The following ODAD2 variants were observed in gnomAD, a reference collection of about 807,000 sequenced individuals.
ODAD2 encodes the protein outer dynein arm docking complex subunit 2.
In ODAD2, 89 loss-of-function variants were observed where a neutral mutation model predicts 106.8. The observed-to-expected ratio is 0.83, with a 90% CI of 0.70 to 0.99. ODAD2 has a LOEUF of 0.99. Among genes scored for constraint, ODAD2 ranks in the 50% least tolerant of loss-of-function variants. The pLI, the probability that ODAD2 is intolerant of heterozygous loss-of-function variation, is 0.00. For synonymous variants in ODAD2, 404 were observed against 436.2 expected, an observed-to-expected ratio of 0.93 and a Z score of 0.92; for missense variants, 1,168 against 1,238.5, an observed-to-expected ratio of 0.94 and a Z score of 0.85.
chr10:27,913,078 A>C (rs1354876611), intron 16 of ODAD2, among the ~76,000 whole-genome samples: 1 of 152,040 alleles, frequency 6.6e-6, no homozygotes, highest in Non-Finnish European at 1.5e-5. Context: ...GATTAGAAAG[A>C]CTCTAGAAAT....
chr10:27,868,754 A>G (rs1840641824), intron 17 of ODAD2, among the ~76,000 whole-genome samples: 1 of 152,130 alleles, frequency 6.6e-6, no homozygotes, highest in Non-Finnish European at 1.5e-5. Flanking sequence ...TGATGGGTTA[A>G]TAGGTGCAGC....
At chr10:27,915,387 C>A (rs1844287656) in intron 16 of ODAD2, among the ~76,000 whole-genome samples, 1 of 152,022 alleles carries the variant, frequency 6.6e-6, no homozygotes, top group Non-Finnish European at 1.5e-5. Context: ...TCTCAGACAG[C>A]CATATTTTCA....
Position 27,944,143 on chromosome 10 carries a change from G to A in ODAD2, c.1743+79C>T, listed in dbSNP as rs76200471. 7.8e-3 allele frequency: 9,815 copies of A among 1,251,346 alleles called. 258 individuals are homozygous for A. Among genetic ancestry groups the A allele is most frequent in the African/African-American group, 0.073 (4,937 of 67,416 alleles). 77.5% of individuals were successfully genotyped at this position (1,251,346 alleles called of 1,614,324 possible). A position where few individuals can be genotyped will look rare whatever the true frequency, so the allele number is the denominator to read the frequency against. On this transcript the variant is annotated intron_variant, in intron 12 of 19. Transcript: ENST00000305242. ...CTCTCATGGCTATGGAATTTCCAGC[G>A]TGGCCAGAAAGGACAGCAAGGAGCT...
rs369669370 is a variant in ODAD2 at position 27,983,938 on chromosome 10, G to T, written c.724C>A (p.Gln242Lys). Residue 242 changes from glutamine (Q) to lysine (K), a missense_variant, in exon 6 of 20, where the codon CAA becomes AAA. Coordinates refer to ENST00000305242, the MANE Select transcript of ODAD2 (RefSeq NM_018076.5). The part of the protein sequence containing the change: ...SNGCRAPPWR[Q>K]IRGEICYVLV... ...ACATAACAAATTTCCCCACGAATTT[G>T]TCTCCACGGTGGGGCTCGACATCCA... 3.1e-6 allele frequency: 5 copies of T among 1,607,738 alleles called. No homozygotes were observed. In the East Asian group the frequency reaches 1.1e-4, roughly 36 times the overall value.
intron 16 of ODAD2, among the ~76,000 whole-genome samples, chr10:27,912,739 G>A (rs568932288): frequency 2.6e-5 from 4 of 152,088 alleles, no homozygotes; most frequent in Non-Finnish European, 4.4e-5. Context: ...AGAACATGAC[G>A]TTCTTAAACC....
intron 19 of ODAD2, among the ~76,000 whole-genome samples, chr10:27,816,877 G>A (rs1054707634): frequency 2.6e-5 from 4 of 152,164 alleles, no homozygotes; most frequent in African/African-American, 7.2e-5. Flanking sequence ...AGCCTCCTGA[G>A]TAGCTGGGAT....
At chr10:27,887,322 C>A (rs1407387159) in intron 17 of ODAD2, among the ~76,000 whole-genome samples, 1 of 151,830 alleles carries the variant, frequency 6.6e-6, no homozygotes. Flanking sequence ...CATACATGCA[C>A]CAAACATGAA....
At chr10:27,847,418 G>A (rs1231125551) in intron 19 of ODAD2, among the ~76,000 whole-genome samples, 7 of 152,130 alleles carry the variant, frequency 4.6e-5, no homozygotes, top group East Asian at 1.9e-4. Context: ...TCGATGGGAC[G>A]TATCTCAAAA....
chr10:27,892,870 C>T (rs185526016), intron 17 of ODAD2, among the ~76,000 whole-genome samples: 1 of 152,096 alleles, frequency 6.6e-6, no homozygotes, highest in Admixed American at 6.6e-5. Context: ...GTACTACGGC[C>T]GGGTGTGGTA....
At chr10:27,874,654 C>A (rs543161972) in intron 17 of ODAD2, among the ~76,000 whole-genome samples, 2 of 152,272 alleles carry the variant, frequency 1.3e-5, no homozygotes, top group East Asian at 3.9e-4. Flanking sequence ...GTTGAAAATT[C>A]TTTTCTTTAA....
At chr10:27,999,347 G>A (rs1387065326), upstream of ODAD2, among the ~76,000 whole-genome samples, 1 of 152,038 alleles carries the variant, frequency 6.6e-6, no homozygotes, top group Admixed American at 6.6e-5. Flanking sequence ...TTTTCCATAG[G>A]CTTCCAGACA....
At position 27,823,857 on chromosome 10, in the gene ODAD2, C is replaced by CAATA. The variant is rs1333789659; in HGVS notation, c.3022-11233_3022-11232insTATT. 3.8e-3 allele frequency among the ~76,000 whole-genome samples: 557 copies of CAATA among 146,932 alleles called. 49 individuals carry two copies. The highest frequency in any genetic ancestry group is 8.8e-3 in the African/African-American group (329 of 37,568). ...CATCTCTATGTTCATAAAAATAGTT[C>CAATA]AGGCCGGGCGCGGTGGCTCACGCCT... On this transcript the variant is annotated intron_variant, in intron 19 of 19. Coordinates refer to ENST00000305242, the MANE Select transcript of ODAD2 (RefSeq NM_018076.5).
chr10:27,906,230 C>T (rs1464341003), intron 17 of ODAD2, among the ~76,000 whole-genome samples: 1 of 152,126 alleles, frequency 6.6e-6, no homozygotes, highest in Non-Finnish European at 1.5e-5. Context: ...CAAAAGAAGA[C>T]ATTTATGCGA....
intron 14 of ODAD2, among the ~76,000 whole-genome samples, 194 bp from the exon 15 acceptor site, chr10:27,937,074 CT>C (rs1245865751): frequency 6.6e-6 from 1 of 152,150 alleles, no homozygotes; most frequent in Non-Finnish European, 1.5e-5. Context: ...CCTTATGTGG[CT>C]TTGGGAATGG....
chr10:27,994,212 C>T (rs1850410702), intron 2 of ODAD2, among the ~76,000 whole-genome samples: 1 of 151,850 alleles, frequency 6.6e-6, no homozygotes, highest in African/African-American at 2.4e-5. Flanking sequence ...AGGCTCTAAT[C>T]TGAGGACACC....
At chr10:27,938,004 C>T (rs1240100481) in intron 14 of ODAD2, among the ~76,000 whole-genome samples, 7 of 152,088 alleles carry the variant, frequency 4.6e-5, no homozygotes, top group Non-Finnish European at 1.0e-4. Context: ...AGTACAGTGG[C>T]ACAATCTCAG....
At position 27,966,112 on chromosome 10, in the gene ODAD2, G is replaced by GT. The variant is rs371277296; in HGVS notation, c.1238+2810dup. On this transcript the variant is annotated intron_variant, in intron 9 of 19. Coordinates refer to ENST00000305242, the MANE Select transcript of ODAD2 (RefSeq NM_018076.5). ...CCATGATTCTCTTAATTTCTTACAG[G>GT]TTTTTTGGCACAGAGAGCCCCAATT... Among the ~76,000 whole-genome samples, 660 of 141,080 alleles carry GT rather than the reference G, an allele frequency of 4.7e-3. 7 individuals are homozygous for GT. Among genetic ancestry groups the GT allele is most frequent in the African/African-American group, 0.014 (568 of 40,724 alleles). 92.6% of individuals were successfully genotyped at this position (141,080 alleles called of 152,430 possible).
chr10:27,965,453 G>T (rs970000723), intron 9 of ODAD2, among the ~76,000 whole-genome samples: 1 of 126,466 alleles, frequency 7.9e-6, no homozygotes, highest in African/African-American at 2.5e-5. Context: ...TGAGGTGGGG[G>T]CAAGGAAAAA....
intron 10 of ODAD2, among the ~76,000 whole-genome samples, chr10:27,957,909 A>G (rs183769814): frequency 3.9e-5 from 6 of 152,306 alleles, no homozygotes; most frequent in Non-Finnish European, 7.4e-5. Flanking sequence ...TCAGGTCAAC[A>G]TGAATATTTC....
Sources: allele counts gnomAD v4.1 joint callset (sites outside exome capture counted in the v4.1 genomes callset), GRCh38; gene constraint gnomAD v4.1.1; transcripts MANE v1.5; gene names NCBI Gene and HGNC (gene_info 2026-07-23, HGNC 2026-07-21).